Variants in EDDM13 observed in about 807,000 individuals in gnomAD.
EDDM13 encodes the protein epididymal protein 13.
A neutral mutation model predicts 17.8 loss-of-function variants in EDDM13; 24 were observed. The observed-to-expected ratio is 1.35, with a 90% CI of 0.98 to 1.90. The LOEUF (loss-of-function observed/expected upper bound fraction) is 1.90, where lower values mean the gene tolerates loss of function less well. Ranked by LOEUF, EDDM13 falls within the 40% of genes most tolerant of loss-of-function variation. The pLI, the probability that EDDM13 is intolerant of heterozygous loss-of-function variation, is 0.00. For synonymous variants in EDDM13, 31 were observed against 37.5 expected (o/e 0.83, Z 0.63); for missense variants, 97 against 100.8 (o/e 0.96, Z 0.16).
At chr19:56,307,589 C>T (rs1444533178) in intron 14 of EDDM13, among the ~76,000 whole-genome samples, 1 of 152,154 alleles carries the variant, frequency 6.6e-6, no homozygotes, top group Non-Finnish European at 1.5e-5. Flanking sequence ...TACCCCGTAT[C>T]TTGCAGTGTT....
intron 6 of EDDM13, among the ~76,000 whole-genome samples, chr19:56,286,063 C>G (rs565403399): frequency 3.3e-4 from 50 of 152,098 alleles, no homozygotes; most frequent in Non-Finnish European, 5.9e-4. Flanking sequence ...GCTCTGTTGC[C>G]CAGGCTGGAG....
Position 56,287,301 on chromosome 19 carries a change from T to C in EDDM13, c.155-1084T>C, listed in dbSNP as rs532938524. ...GTGGGAAACATTTTACGGAAACCTA[T>C]GACTGAGTTTTGATGGAGAATGTCA... On this transcript the variant is annotated intron_variant, in intron 6 of 14. Coordinates refer to ENST00000649256, the MANE Select transcript of EDDM13 (RefSeq NM_001354658.2). 3.3e-5 allele frequency among the ~76,000 whole-genome samples: 5 copies of C among 152,362 alleles called. No individual in the cohort carries two copies. The South Asian group carries it at 8.3e-4, about 25-fold the overall frequency.
chr19:56,288,964 A>G (rs1226678891), intron 8 of EDDM13, among the ~76,000 whole-genome samples, 73 bp downstream of exon 8: 1 of 152,216 alleles, frequency 6.6e-6, no homozygotes, highest in Non-Finnish European at 1.5e-5. Flanking sequence ...AACTCCTTTA[A>G]GAAAATGCCA....
intron 4 of EDDM13, chr19:56,283,995 TTC>T (rs2038914120): frequency 6.3e-6 from 1 of 157,552 alleles, no homozygotes; most frequent in African/African-American, 2.4e-5. Flanking sequence ...TCTCACAGCG[TTC>T]TGAGTCTTAG....
rs187074757 is a variant in EDDM13 at position 56,290,066 on chromosome 19, C to T, written c.227-775C>T. Among the ~76,000 whole-genome samples the T allele has an allele frequency of 1.5e-3, 229 of 152,308 alleles. 4 individuals are homozygous for T. The South Asian group carries it at 0.034, about 22-fold the overall frequency. On this transcript the variant is annotated intron_variant, in intron 8 of 14. Transcript: ENST00000649256. Reference sequence around the variant, plus strand: ...GAACCCAAGTTATAAAGAGTGGTTTCCCCAAACTGGCTAATTATCTGAAAC... The same window carrying T: ...GAACCCAAGTTATAAAGAGTGGTTTTCCCAAACTGGCTAATTATCTGAAAC...
intron 13 of EDDM13, among the ~76,000 whole-genome samples, chr19:56,302,452 CT>C: frequency 6.8e-6 from 1 of 146,488 alleles, no homozygotes; most frequent in African/African-American, 2.5e-5. Context: ...TTCTTCCTCT[CT>C]CCGTCTGCTT....
At chr19:56,293,492 T>C (rs1334500905) in intron 9 of EDDM13, among the ~76,000 whole-genome samples, 1 of 152,220 alleles carries the variant, frequency 6.6e-6, no homozygotes, top group African/African-American at 2.4e-5. Flanking sequence ...AAAATTATGC[T>C]AAGAAAGGGA....
At chr19:56,295,607 C>A (rs954653716) in intron 9 of EDDM13, among the ~76,000 whole-genome samples, 10 of 151,670 alleles carry the variant, frequency 6.6e-5, no homozygotes, top group Admixed American at 1.3e-4. Flanking sequence ...AAACAAAAAA[C>A]AAAACAAAAC....
intron 6 of EDDM13, chr19:56,286,775 C>T (rs2147115138): frequency 6.6e-6 from 1 of 152,340 alleles, no homozygotes; most frequent in South Asian, 2.1e-4. Flanking sequence ...GGAGTTCAAG[C>T]TGAATCTGTG....
intron 12 of EDDM13, among the ~76,000 whole-genome samples, chr19:56,300,802 T>TAA (rs113042044): frequency 2.9e-4 from 43 of 149,254 alleles, no homozygotes; most frequent in African/African-American, 1.0e-3. Flanking sequence ...GGTTTACGTG[T>TAA]AAAAAAAAAA....
intron 2 of EDDM13, chr19:56,280,796 T>A (rs1156952149): frequency 2.0e-5 from 3 of 152,194 alleles, no homozygotes; most frequent in Admixed American, 6.5e-5. Flanking sequence ...TCATGAAAGT[T>A]GAGCCCTTGT....
At chr19:56,281,200 C>T (rs1033513206) in intron 2 of EDDM13, among the ~76,000 whole-genome samples, 38 of 152,082 alleles carry the variant, frequency 2.5e-4, no homozygotes, top group Admixed American at 1.7e-3. Flanking sequence ...GGTCTTCATC[C>T]TTGTCATCTT....
rs3059506 is a variant in EDDM13 at position 56,276,506 on chromosome 19, C to CT, written c.103+410dup. Among the ~76,000 whole-genome samples the CT allele has an allele frequency of 8.1e-4, 113 of 139,698 alleles. 1 individual carries two copies. The highest frequency in any genetic ancestry group is 2.1e-3 in the East Asian group (10 of 4,856). 91.6% of individuals were successfully genotyped at this position (139,698 alleles called of 152,430 possible). A position where few individuals can be genotyped will look rare whatever the true frequency, so the allele number is the denominator to read the frequency against. On this transcript the variant is annotated intron_variant, in intron 2 of 14. Coordinates refer to ENST00000649256, the MANE Select transcript of EDDM13 (RefSeq NM_001354658.2). ...AAAATTATTAAGGATCTAAAGAGCT[C>CT]TTTTTTTTTTTTTCCAGTGAGGGTT...
chr19:56,290,203 G>C (rs914812796), intron 8 of EDDM13, among the ~76,000 whole-genome samples: 23 of 152,194 alleles, frequency 1.5e-4, no homozygotes, highest in African/African-American at 5.1e-4. Flanking sequence ...GCTTCTGATG[G>C]TTTGGCTCAG....
At chr19:56,289,275 T>G (rs919250074) in intron 8 of EDDM13, among the ~76,000 whole-genome samples, 5 of 152,192 alleles carry the variant, frequency 3.3e-5, no homozygotes, top group Non-Finnish European at 4.4e-5. Flanking sequence ...AAGTGTAAGC[T>G]ATGTCTTTTT....
At chr19:56,303,952 G>C (rs1015450966) in intron 13 of EDDM13, among the ~76,000 whole-genome samples, 3 of 152,130 alleles carry the variant, frequency 2.0e-5, no homozygotes, top group Non-Finnish European at 4.4e-5. Context: ...AGGAACCAAA[G>C]GAACATCTAT....
intron 4 of EDDM13, chr19:56,283,913 G>C (rs1337425854): frequency 6.6e-6 from 1 of 150,916 alleles, no homozygotes; most frequent in African/African-American, 2.4e-5. Context: ...AACGGTTCAT[G>C]ATTACTGTCC....
chr19:56,300,661 C>CA (rs568185160), intron 12 of EDDM13, among the ~76,000 whole-genome samples: 55 of 152,292 alleles, frequency 3.6e-4, no homozygotes, highest in South Asian at 1.0e-3. Flanking sequence ...ATGCTCTAAG[C>CA]AAAGGGGACA....
chr19:56,310,445 T>C lies in EDDM13; in HGVS notation c.*297T>C, dbSNP rs1188683568. 1 of 152,260 alleles carries C rather than the reference T, an allele frequency of 6.6e-6. No homozygotes were observed. The highest frequency in any genetic ancestry group is 1.5e-5 in the Non-Finnish European group (1 of 68,044). 9.4% of individuals were successfully genotyped at this position (152,260 alleles called of 1,614,324 possible). A position where few individuals can be genotyped will look rare whatever the true frequency, so the allele number is the denominator to read the frequency against. ...ACTTCCATAATAAAATGTATACTTGTTGAAATGGCTGAAAAGGCTGGGTTA... is the reference window on the plus strand; with the variant it reads ...ACTTCCATAATAAAATGTATACTTGCTGAAATGGCTGAAAAGGCTGGGTTA... On this transcript the variant is annotated 3_prime_UTR_variant, in exon 15 of 15. Transcript: ENST00000649256.
Sources: gnomAD v4.1 joint callset for allele counts (sites outside exome capture counted in the v4.1 genomes callset) on GRCh38, gnomAD v4.1.1 for gene constraint, MANE v1.5 for transcripts, NCBI Gene and HGNC (gene_info 2026-07-23, HGNC 2026-07-21) for gene names.